AGBL4: variants seen among roughly 807,000 people sequenced by gnomAD.
The protein encoded by AGBL4 is cytosolic carboxypeptidase 6.
In AGBL4, 58 loss-of-function variants were observed where a neutral mutation model predicts 66.4. That is an observed-to-expected ratio of 0.87 (90% confidence interval 0.71 to 1.09). The LOEUF is 1.09. Ranked by LOEUF, AGBL4 falls within the 50% of genes least tolerant of loss-of-function variation. The pLI is 0.00. For synonymous variants in AGBL4, 234 were observed against 222.9 expected (o/e 1.05, Z -0.44); for missense variants, 579 against 631.0 (o/e 0.92, Z 0.88).
intron 6 of AGBL4, among the ~76,000 whole-genome samples, chr1:48,744,672 T>C (rs1650451061): frequency 6.6e-6 from 1 of 152,202 alleles, no homozygotes; most frequent in Admixed American, 6.5e-5. Context: ...CCCATCCATC[T>C]CTATAAAGGC....
At chr1:49,973,933 T>C (rs1171057207) in intron 1 of AGBL4, among the ~76,000 whole-genome samples, 2 of 151,866 alleles carry the variant, frequency 1.3e-5, no homozygotes, top group Non-Finnish European at 2.9e-5. Flanking sequence ...TAATTATTTA[T>C]TGGTAGGAAC....
At chr1:48,870,827 CTGT>C (rs1452098262) in intron 5 of AGBL4, among the ~76,000 whole-genome samples, 10 of 152,190 alleles carry the variant, frequency 6.6e-5, no homozygotes, top group African/African-American at 2.4e-4. Context: ...TATGCGTAGG[CTGT>C]TGTTTTAACC....
intron 3 of AGBL4, among the ~76,000 whole-genome samples, chr1:49,565,985 A>G (rs1337465047): frequency 6.6e-6 from 1 of 152,108 alleles, no homozygotes; most frequent in Non-Finnish European, 1.5e-5. Context: ...TATTTCTTGG[A>G]GGCTTTGTTC....
intron 5 of AGBL4, among the ~76,000 whole-genome samples, chr1:48,965,475 T>C (rs1413168077): frequency 6.6e-6 from 1 of 152,164 alleles, no homozygotes; most frequent in Non-Finnish European, 1.5e-5. Flanking sequence ...CTGATGTGGC[T>C]TTTATCCCAG....
chr1:48,846,166 A>C (rs1021326399), intron 6 of AGBL4, among the ~76,000 whole-genome samples: 4 of 152,046 alleles, frequency 2.6e-5, no homozygotes, highest in Admixed American at 2.6e-4. Context: ...ATTTAGACTA[A>C]ATTTCTTGAT....
intron 1 of AGBL4, among the ~76,000 whole-genome samples, chr1:49,856,273 C>T (rs1646431079): frequency 6.6e-6 from 1 of 152,026 alleles, no homozygotes; most frequent in Admixed American, 6.5e-5. Flanking sequence ...GAAGAAAGCA[C>T]AGGAACAAAT....
intron 1 of AGBL4, chr1:50,017,372 C>T (rs766464767): frequency 1.3e-5 from 2 of 152,088 alleles, no homozygotes; most frequent in African/African-American, 4.8e-5. Context: ...GCCCCTATCT[C>T]GATTATATTT....
At chr1:48,929,741 C>T (rs751651244) in intron 5 of AGBL4, among the ~76,000 whole-genome samples, 1 of 152,128 alleles carries the variant, frequency 6.6e-6, no homozygotes, top group Non-Finnish European at 1.5e-5. Flanking sequence ...ATCCTGGAAC[C>T]AACTGTCTTG....
At chr1:49,127,624 A>G (rs1208542986) in intron 4 of AGBL4, among the ~76,000 whole-genome samples, 1 of 152,060 alleles carries the variant, frequency 6.6e-6, no homozygotes, top group Non-Finnish European at 1.5e-5. Context: ...GCAAACAGCA[A>G]CTAGGGAGAA....
intron 3 of AGBL4, among the ~76,000 whole-genome samples, chr1:49,554,090 A>G (rs1378646416): frequency 3.3e-5 from 5 of 152,148 alleles, no homozygotes. Flanking sequence ...GTATGATTAC[A>G]CCACTGCACT....
intron 8 of AGBL4, among the ~76,000 whole-genome samples, chr1:48,652,098 A>T (rs901059391): frequency 1.6e-4 from 24 of 152,100 alleles, no homozygotes; most frequent in Admixed American, 5.2e-4. Flanking sequence ...GCTACTTGGG[A>T]GACTGAGGTG....
chr1:48,971,916 T>C (rs899793694), intron 5 of AGBL4, among the ~76,000 whole-genome samples: 5 of 152,094 alleles, frequency 3.3e-5, no homozygotes, highest in African/African-American at 9.7e-5. Flanking sequence ...GTGCGCCCAA[T>C]CTCTAGGAAC....
At chr1:49,824,237 A>G (rs934539635) in intron 2 of AGBL4, among the ~76,000 whole-genome samples, 2 of 152,084 alleles carry the variant, frequency 1.3e-5, no homozygotes, top group Non-Finnish European at 2.9e-5. Flanking sequence ...AAAAACAGGT[A>G]AGATGCATGG....
At chr1:49,475,450 T>G (rs1646828401) in intron 3 of AGBL4, among the ~76,000 whole-genome samples, 1 of 152,050 alleles carries the variant, frequency 6.6e-6, no homozygotes, top group South Asian at 2.1e-4. Flanking sequence ...TTTCATAGAA[T>G]GAGTCAGAGA....
In AGBL4 at chr1:49,197,477, A is replaced by G. The variant is rs567309879; in HGVS notation, c.377+48293T>C. ...GAGTTTGTTACAGGGGTAGCAGTAG[A>G]GTTTATGCTAAATCCCCGTTAACCA... On this transcript the variant is annotated intron_variant, in intron 4 of 13. Coordinates refer to ENST00000371839, the MANE Select transcript of AGBL4 (RefSeq NM_032785.4). Among the ~76,000 whole-genome samples the G allele has an allele frequency of 2.0e-5, 3 of 152,290 alleles. No individual in the cohort carries two copies. The East Asian group carries it at 5.8e-4, about 29-fold the overall frequency.
chr1:49,814,828 T>C (rs1327590445), intron 2 of AGBL4, among the ~76,000 whole-genome samples: 2 of 152,164 alleles, frequency 1.3e-5, no homozygotes, highest in East Asian at 1.9e-4. Context: ...AAATTCTGCA[T>C]AGAAACAAAT....
intron 1 of AGBL4, among the ~76,000 whole-genome samples, chr1:49,928,602 T>C (rs1571889312): frequency 6.6e-6 from 1 of 152,122 alleles, no homozygotes; most frequent in South Asian, 2.1e-4. Context: ...AGAAAAATTA[T>C]GTGAGGAAAT....
At chr1:49,576,892 C>T (rs907872409) in intron 3 of AGBL4, among the ~76,000 whole-genome samples, 4 of 152,178 alleles carry the variant, frequency 2.6e-5, no homozygotes, top group African/African-American at 9.7e-5. Context: ...AGCTGCAGCA[C>T]TACAGCCCCT....
At chr1:49,320,043 C>T (rs1645104906) in intron 3 of AGBL4, among the ~76,000 whole-genome samples, 1 of 152,048 alleles carries the variant, frequency 6.6e-6, no homozygotes, top group African/African-American at 2.4e-5. Context: ...GACATCCTTC[C>T]ACCTCCATCT....
Sources: gnomAD v4.1 joint callset for allele counts (sites outside exome capture counted in the v4.1 genomes callset) on GRCh38, gnomAD v4.1.1 for gene constraint, MANE v1.5 for transcripts, NCBI Gene and HGNC (gene_info 2026-07-23, HGNC 2026-07-21) for gene names.